The following USH2A variants were observed in gnomAD, a reference collection of about 807,000 sequenced individuals.
USH2A encodes Usher syndrome 2A (autosomal recessive, mild).
Under a neutral mutation model 538.9 loss-of-function variants are expected in USH2A, and 443 were observed. That is an observed-to-expected ratio of 0.82 (90% CI 0.76 to 0.89). USH2A has a LOEUF of 0.89. Among genes scored for constraint, USH2A ranks in the 40% least tolerant of loss-of-function variants. The pLI, the probability that USH2A is intolerant of heterozygous loss-of-function variation, is 0.00. For synonymous variants in USH2A, 2,413 were observed against 2,273.5 expected (o/e 1.06, Z -1.75); for missense variants, 6,633 against 6,324.8 (o/e 1.05, Z -1.65).
Position 215,650,681 on chromosome 1 carries a change from C to G in USH2A, c.14254G>C (p.Val4752Leu), listed in dbSNP as rs770161970. The part of the protein sequence containing the change: ...TFHVISSTQA[V>L]VNISAPGKPN... ...TTCCCAGGGGCACTGATGTTGACCA[C>G]TGCTTGGGTAGAAGAGATCACATGG... is the stretch of plus-strand genomic sequence containing the variant. The change falls in exon 65 of 72, where the codon GTG (valine) becomes CTG (leucine). Residue 4752 changes from valine (V) to leucine (L), a missense_variant. Coordinates refer to ENST00000307340, the MANE Select transcript of USH2A (RefSeq NM_206933.4). 15 of 1,613,980 alleles carry G rather than the reference C, an allele frequency of 9.3e-6. No homozygotes were observed. In the Admixed American group the frequency reaches 1.2e-4, roughly 13 times the overall value.
chr1:215,917,881 T>G (rs1666000864), intron 38 of USH2A, among the ~76,000 whole-genome samples: 1 of 151,748 alleles, frequency 6.6e-6, no homozygotes, highest in African/African-American at 2.4e-5. Flanking sequence ...GACAATTGCT[T>G]GAGCCCAGGA....
intron 9 of USH2A, among the ~76,000 whole-genome samples, chr1:216,292,840 T>C (rs1434387789): frequency 6.6e-6 from 1 of 152,162 alleles, no homozygotes; most frequent in African/African-American, 2.4e-5. Context: ...AACTCTCCAA[T>C]GCTGGTTATA....
At chr1:216,117,707 A>G (rs976252363) in intron 21 of USH2A, among the ~76,000 whole-genome samples, 6 of 151,884 alleles carry the variant, frequency 4.0e-5, no homozygotes, top group African/African-American at 1.5e-4. Flanking sequence ...ATCACTTGCA[A>G]TATATGAACC....
intron 50 of USH2A, among the ~76,000 whole-genome samples, chr1:215,798,685 C>T (rs767806390): frequency 6.6e-6 from 1 of 151,624 alleles, no homozygotes; most frequent in Non-Finnish European, 1.5e-5. Context: ...ATGACCTTTT[C>T]AAGAGGAAAA....
chr1:215,680,530 C>T (rs181390773), intron 61 of USH2A, among the ~76,000 whole-genome samples, 154 bp from the exon 62 acceptor site: 38 of 151,850 alleles, frequency 2.5e-4, no homozygotes, highest in Admixed American at 1.0e-3. Flanking sequence ...AAGAAAACAA[C>T]GCATTTTTTC....
chr1:215,993,224 C>T (rs1045715771), intron 34 of USH2A, 57 bp from the exon 35 acceptor site: 64 of 1,613,038 alleles, frequency 4.0e-5, no homozygotes, highest in Non-Finnish European at 4.9e-5. Flanking sequence ...TTTTCATGAA[C>T]ATTGAGGAAA....
chr1:216,166,733 C>T (rs372454389), intron 21 of USH2A, among the ~76,000 whole-genome samples: 4 of 151,876 alleles, frequency 2.6e-5, no homozygotes, highest in African/African-American at 7.3e-5. Flanking sequence ...ATGGTACACA[C>T]GGAAGGAGGA....
At chr1:216,372,498 A>T (rs2102719775) in intron 3 of USH2A, among the ~76,000 whole-genome samples, 1 of 152,252 alleles carries the variant, frequency 6.6e-6, no homozygotes, top group Non-Finnish European at 1.5e-5. Flanking sequence ...AAAGCTCTTC[A>T]TATACTGCAA....
chr1:215,902,164 G>T (rs762878243), intron 38 of USH2A, among the ~76,000 whole-genome samples: 44 of 152,062 alleles, frequency 2.9e-4, no homozygotes, highest in Non-Finnish European at 5.3e-4. Context: ...AGAGGCCATT[G>T]GTGAAGAAGG....
intron 31 of USH2A, among the ~76,000 whole-genome samples, chr1:216,048,115 A>T (rs998138335): frequency 6.6e-6 from 1 of 152,106 alleles, no homozygotes; most frequent in Non-Finnish European, 1.5e-5. Flanking sequence ...TTTAGCAGTT[A>T]AAAAAGACCA....
intron 30 of USH2A, among the ~76,000 whole-genome samples, chr1:216,066,068 T>C (rs929478717): frequency 1.3e-5 from 2 of 152,092 alleles, no homozygotes; most frequent in African/African-American, 4.8e-5. Context: ...AAATTTGCAA[T>C]TTTTTTCAAG....
At position 216,321,945 on chromosome 1, in the gene USH2A, C is replaced by T. The variant is rs551424240; in HGVS notation, c.1582G>A (p.Asp528Asn). 19 of 1,613,722 alleles carry T rather than the reference C, an allele frequency of 1.2e-5. No homozygotes were observed. The highest frequency in any genetic ancestry group is 8.8e-5 in the South Asian group (8 of 91,070). The change falls in exon 9 of 72, where the codon GAC becomes AAC. Residue 528 changes from aspartate to asparagine, a missense_variant. Physicochemically the swap from Asp to Asn is conservative, Grantham distance 23. Coordinates refer to ENST00000307340, the MANE Select transcript of USH2A (RefSeq NM_206933.4). ...CQCHGHADNC[D>N]TTSQPYRCLC... is the part of the protein sequence containing the mutation. ...CATCTATATGGCTGGCTTGTTGTGT[C>T]GCAGTTATCGGCATGACCATGGCAC...
At chr1:216,230,919 G>A (rs1206030311) in intron 14 of USH2A, among the ~76,000 whole-genome samples, 4 of 147,196 alleles carry the variant, frequency 2.7e-5, no homozygotes, top group Non-Finnish European at 4.5e-5. Flanking sequence ...CACACACACA[G>A]ACACAGAATT....
chr1:215,762,609 T>G (rs1661010431), intron 56 of USH2A, among the ~76,000 whole-genome samples: 6 of 152,190 alleles, frequency 3.9e-5, no homozygotes, highest in Admixed American at 3.9e-4. Flanking sequence ...TATGGGGACA[T>G]CGTTATCTTG....
chr1:216,307,819 T>A (rs116507096), intron 9 of USH2A, among the ~76,000 whole-genome samples: 2,314 of 152,204 alleles, frequency 0.015, 57 homozygotes, highest in African/African-American at 0.053. Flanking sequence ...CAGCTCCAGG[T>A]AAGGCCAAAT....
chr1:216,325,759 G>A (rs1481968181), intron 5 of USH2A, among the ~76,000 whole-genome samples, 160 bp from the exon 6 acceptor site: 1 of 151,860 alleles, frequency 6.6e-6, no homozygotes, highest in African/African-American at 2.4e-5. Context: ...CTTATTTTTG[G>A]CCAAATAAAC....
At chr1:215,633,822 G>A (rs1656388279) in intron 70 of USH2A, among the ~76,000 whole-genome samples, 1 of 152,112 alleles carries the variant, frequency 6.6e-6, no homozygotes, top group African/African-American at 2.4e-5. Flanking sequence ...TTCAATGAGT[G>A]CTCTGGGCAA....
intron 3 of USH2A, among the ~76,000 whole-genome samples, chr1:216,413,694 T>C (rs188138675): frequency 6.6e-6 from 1 of 152,210 alleles, no homozygotes; most frequent in East Asian, 1.9e-4. Context: ...GCTAGAGTCA[T>C]CTATGGCTCT....
chr1:215,840,466 T>C (rs1454580942), intron 46 of USH2A, among the ~76,000 whole-genome samples: 2 of 152,156 alleles, frequency 1.3e-5, no homozygotes, highest in Admixed American at 6.6e-5. Flanking sequence ...TCTTAGGCAC[T>C]AATAACAAAA....
Sources: gnomAD v4.1 joint callset for allele counts (sites outside exome capture counted in the v4.1 genomes callset) on GRCh38, gnomAD v4.1.1 for gene constraint, MANE v1.5 for transcripts, NCBI Gene and HGNC (gene_info 2026-07-23, HGNC 2026-07-21) for gene names.